The following TASP1 variants were observed in gnomAD, a reference collection of about 807,000 sequenced individuals.
TASP1 encodes taspase 1, also known as threonine aspartase 1.
In TASP1, 16 loss-of-function variants were observed where a neutral mutation model predicts 56.6. The observed-to-expected ratio is 0.28, with a 90% CI of 0.19 to 0.43. The LOEUF is 0.43. Ranked by LOEUF, TASP1 falls within the 20% of genes least tolerant of loss-of-function variation. TASP1 has a pLI of 1.00. For synonymous variants in TASP1, 179 were observed against 184.2 expected (o/e 0.97, Z 0.23); for missense variants, 393 against 511.6 (o/e 0.77, Z 2.24).
downstream of TASP1, among the ~76,000 whole-genome samples, chr20:13,388,971 G>A (rs1218675907): frequency 6.6e-6 from 1 of 152,038 alleles, no homozygotes; most frequent in Non-Finnish European, 1.5e-5. Context: ...ATGGTGCAGG[G>A]CACTTCCTCC....
the TASP1 span, among the ~76,000 whole-genome samples, chr20:13,177,203 T>C: frequency 6.6e-6 from 1 of 151,722 alleles, no homozygotes; most frequent in African/African-American, 2.4e-5. Flanking sequence ...ATCATGCCAC[T>C]GCACTCCAGC....
At chr20:13,155,554 C>T in the TASP1 span, among the ~76,000 whole-genome samples, 6 of 152,210 alleles carry the variant, frequency 3.9e-5, no homozygotes, top group South Asian at 1.0e-3. Flanking sequence ...AGGCTGGGCG[C>T]GGTGGCTCAT....
chr20:13,182,166 CT>C, the TASP1 span, among the ~76,000 whole-genome samples: 4 of 152,180 alleles, frequency 2.6e-5, no homozygotes, highest in Non-Finnish European at 4.4e-5. Context: ...GCTGTTTCTT[CT>C]TCTTAAAATA....
chr20:13,253,526 G>A, the TASP1 span, among the ~76,000 whole-genome samples: 1 of 152,152 alleles, frequency 6.6e-6, no homozygotes, highest in African/African-American at 2.4e-5. Flanking sequence ...ATCAGCCACT[G>A]TTCCTCACCT....
chr20:13,497,960 C>T (rs1316235489), intron 10 of TASP1, among the ~76,000 whole-genome samples: 4 of 152,152 alleles, frequency 2.6e-5, no homozygotes, highest in Non-Finnish European at 5.9e-5. Context: ...TGGACCCCTA[C>T]CTTTCACCAT....
chr20:13,142,119 T>C, the TASP1 span, among the ~76,000 whole-genome samples: 1 of 152,226 alleles, frequency 6.6e-6, no homozygotes, highest in Non-Finnish European at 1.5e-5. Context: ...TAGCCAAGGG[T>C]AGACTTTTAT....
In TASP1 at chr20:13,562,029, C is replaced by T. The variant is rs561598001; in HGVS notation, c.569-2915G>A. On this transcript the variant is annotated intron_variant, in intron 7 of 13. Coordinates refer to ENST00000337743, the MANE Select transcript of TASP1 (RefSeq NM_017714.3). ...ACTTGGGACATTTTTCCAAAATGTC[C>T]CATTTGTGTGTGAGCACAAATCAAA... Among the ~76,000 whole-genome samples the T allele has an allele frequency of 1.1e-4, 17 of 152,138 alleles. No individual in the cohort carries two copies. The South Asian group carries it at 2.5e-3, about 22-fold the overall frequency.
intron 5 of TASP1, among the ~76,000 whole-genome samples, chr20:13,585,132 C>A (rs2047256662): frequency 6.6e-6 from 1 of 152,030 alleles, no homozygotes; most frequent in South Asian, 2.1e-4. Flanking sequence ...CAATAGAGGG[C>A]AATGGACCAT....
At chr20:13,494,401 T>C (rs2043646700) in intron 10 of TASP1, among the ~76,000 whole-genome samples, 1 of 152,182 alleles carries the variant, frequency 6.6e-6, no homozygotes, top group African/African-American at 2.4e-5. Flanking sequence ...GGCAGATGAC[T>C]TGAGAAAACC....
At chr20:13,550,399 C>T (rs1030354646) in intron 8 of TASP1, among the ~76,000 whole-genome samples, 1 of 151,948 alleles carries the variant, frequency 6.6e-6, no homozygotes, top group Non-Finnish European at 1.5e-5. Context: ...TACTGATTTA[C>T]ATGTAAAATC....
At chr20:13,266,877 T>G in the TASP1 span, among the ~76,000 whole-genome samples, 2 of 152,202 alleles carry the variant, frequency 1.3e-5, no homozygotes, top group Non-Finnish European at 2.9e-5. Context: ...TGAGTGAACT[T>G]GGTAATAGCT....
At chr20:13,132,246 G>A in the TASP1 span, among the ~76,000 whole-genome samples, 6 of 142,070 alleles carry the variant, frequency 4.2e-5, no homozygotes, top group Admixed American at 2.3e-4. Context: ...GTGCCATCTC[G>A]GCTCACTGCA....
chr20:13,452,121 T>G (rs1026623976), intron 11 of TASP1, among the ~76,000 whole-genome samples: 4 of 152,178 alleles, frequency 2.6e-5, no homozygotes, highest in East Asian at 1.9e-4. Context: ...AGATCACTGA[T>G]GACAGACTAT....
chr20:13,133,472 A>T, the TASP1 span, among the ~76,000 whole-genome samples: 1 of 152,126 alleles, frequency 6.6e-6, no homozygotes. Context: ...GGTGGCTCAC[A>T]CCTGTAATCC....
the TASP1 span, among the ~76,000 whole-genome samples, chr20:13,176,454 T>C: frequency 6.6e-6 from 1 of 152,224 alleles, no homozygotes; most frequent in Admixed American, 6.5e-5. Flanking sequence ...TTTTTCTGCA[T>C]CTATCAAGGT....
At chr20:13,317,300 G>T in the TASP1 span, among the ~76,000 whole-genome samples, 2 of 119,060 alleles carry the variant, frequency 1.7e-5, no homozygotes, top group South Asian at 4.7e-4. Context: ...AGAAATCAAA[G>T]AAGTAAATAA....
chr20:13,184,213 T>C, the TASP1 span, among the ~76,000 whole-genome samples: 17 of 152,202 alleles, frequency 1.1e-4, no homozygotes, highest in African/African-American at 3.6e-4. Context: ...TCATAAAGGT[T>C]ATAAATCAAG....
chr20:13,391,014 A>G (rs1164487490), intron 13 of TASP1, among the ~76,000 whole-genome samples: 3 of 152,192 alleles, frequency 2.0e-5, no homozygotes, highest in Non-Finnish European at 2.9e-5. Context: ...CAACGAAGAA[A>G]TCTAAGCTGA....
At chr20:13,143,784 G>A in the TASP1 span, among the ~76,000 whole-genome samples, 1 of 152,206 alleles carries the variant, frequency 6.6e-6, no homozygotes, top group Non-Finnish European at 1.5e-5. Flanking sequence ...GCCCTTTCAA[G>A]GAACCACATT....
Sources: allele counts gnomAD v4.1 joint callset (sites outside exome capture counted in the v4.1 genomes callset), GRCh38; gene constraint gnomAD v4.1.1; transcripts MANE v1.5; gene names NCBI Gene and HGNC (gene_info 2026-07-23, HGNC 2026-07-21).